Variants in FSTL4 observed in about 807,000 individuals in gnomAD.
The protein encoded by FSTL4 is follistatin like 4, also known as follistatin-related protein 4.
In FSTL4, 28 loss-of-function variants were observed where a neutral mutation model predicts 78.2. That is an observed-to-expected ratio of 0.36 (90% CI 0.27 to 0.49). The LOEUF (loss-of-function observed/expected upper bound fraction) is 0.49. FSTL4 is among the 20% of genes least tolerant of loss of function. The pLI is 0.98. For missense variants in FSTL4, 922 were observed against 1,084.9 expected, an observed-to-expected ratio of 0.85 and a Z score of 2.11; for synonymous variants, 422 against 440.5, an observed-to-expected ratio of 0.96 and a Z score of 0.53.
At chr5:133,841,492 A>C in the FSTL4 span, among the ~76,000 whole-genome samples, 422 of 152,322 alleles carry the variant, frequency 2.8e-3, 2 homozygotes, top group African/African-American at 9.4e-3. Flanking sequence ...TTCTAGAAAT[A>C]ATAAGATGCT....
chr5:133,292,468 GT>G (rs1753288785), intron 6 of FSTL4, among the ~76,000 whole-genome samples: 1 of 151,796 alleles, frequency 6.6e-6, no homozygotes, highest in Non-Finnish European at 1.5e-5. Context: ...TCCAGGAGGG[GT>G]TGAGTCAGCC....
chr5:133,448,739 CG>C (rs1187966204), intron 3 of FSTL4, among the ~76,000 whole-genome samples: 2,701 of 19,380 alleles, frequency 0.14, 139 homozygotes, highest in African/African-American at 0.3. Flanking sequence ...GGTGCGGGGG[CG>C]GGGGGGGGGG....
the FSTL4 span, among the ~76,000 whole-genome samples, chr5:133,754,484 T>C: frequency 2.6e-5 from 4 of 152,250 alleles, no homozygotes; most frequent in Non-Finnish European, 5.9e-5. Flanking sequence ...TTATAATGGA[T>C]AGTTTGATAG....
intron 2 of FSTL4, among the ~76,000 whole-genome samples, chr5:133,592,067 G>A (rs1398293637): frequency 6.6e-6 from 1 of 152,000 alleles, no homozygotes; most frequent in Non-Finnish European, 1.5e-5. Flanking sequence ...CCTAGACTCT[G>A]AGGGTTACTC....
At chr5:133,374,768 T>C (rs1561691181) in intron 4 of FSTL4, among the ~76,000 whole-genome samples, 1 of 152,148 alleles carries the variant, frequency 6.6e-6, no homozygotes, top group African/African-American at 2.4e-5. Flanking sequence ...AGCAAGAAGA[T>C]GGTCATCTGC....
chr5:133,535,046 G>C (rs369790991), intron 3 of FSTL4, among the ~76,000 whole-genome samples: 1 of 152,194 alleles, frequency 6.6e-6, no homozygotes, highest in Non-Finnish European at 1.5e-5. Context: ...AACTGTGGTC[G>C]TAAGGAGGGG....
Position 133,225,773 on chromosome 5 carries a change from A to T in FSTL4, c.1062T>A (p.Pro354=). 6.2e-7 allele frequency: 1 copy of T among 1,609,604 alleles called. No individual in the cohort carries two copies. The highest frequency in any genetic ancestry group is 8.5e-7 in the Non-Finnish European group (1 of 1,177,880). Residue 354 remains proline (P), a synonymous_variant, in exon 9 of 16, where the codon CCT becomes CCA. Coordinates refer to ENST00000265342, the MANE Select transcript of FSTL4 (RefSeq NM_015082.2). The surrounding 1 kb of genome is among the most constrained non-coding windows in gnomAD (Gnocchi z 4.6). ...GGCATCTTAGGCTGGCTGCCACTCC[A>T]GGCTCCTGTGCCTGGCTCTCTGGAT... The part of the protein sequence containing the change: ...RVYPESQAQE[P]GVAASLRCHA...
the FSTL4 span, among the ~76,000 whole-genome samples, chr5:133,767,100 G>A: frequency 2.0e-5 from 3 of 152,184 alleles, no homozygotes; most frequent in Non-Finnish European, 2.9e-5. Flanking sequence ...CTTGAGCAAA[G>A]GTAGTATATT....
the FSTL4 span, among the ~76,000 whole-genome samples, chr5:133,821,876 T>C: frequency 2.0e-5 from 3 of 152,134 alleles, no homozygotes; most frequent in Non-Finnish European, 2.9e-5. Flanking sequence ...AACGTAGCGG[T>C]GCAAGGAGGA....
intron 6 of FSTL4, among the ~76,000 whole-genome samples, chr5:133,277,256 T>C (rs1752904163): frequency 1.3e-5 from 2 of 151,814 alleles, no homozygotes; most frequent in Admixed American, 1.3e-4. Context: ...GAGGCTGCAG[T>C]GAGCCGAGAT....
At chr5:133,816,022 G>A in the FSTL4 span, among the ~76,000 whole-genome samples, 2 of 152,194 alleles carry the variant, frequency 1.3e-5, no homozygotes, top group Non-Finnish European at 2.9e-5. Context: ...AAGACAAGAA[G>A]GATAGAGTTA....
At chr5:133,386,790 C>T (rs1342172999) in intron 4 of FSTL4, among the ~76,000 whole-genome samples, 8 of 152,204 alleles carry the variant, frequency 5.3e-5, no homozygotes, top group South Asian at 2.1e-4. Context: ...TCCTGTGCAA[C>T]GAAGCCCTCA....
At chr5:133,397,123 G>GCTTTCA (rs1756077915) in intron 4 of FSTL4, among the ~76,000 whole-genome samples, 1 of 152,226 alleles carries the variant, frequency 6.6e-6, no homozygotes, top group African/African-American at 2.4e-5. Context: ...TTCGTGAACA[G>GCTTTCA]CGTAGGAGAT....
intron 6 of FSTL4, among the ~76,000 whole-genome samples, chr5:133,292,522 T>C (rs1753289470): frequency 6.7e-6 from 1 of 148,648 alleles, no homozygotes; most frequent in Non-Finnish European, 1.5e-5. Context: ...ATCACAGTGG[T>C]GCCACAGCTA....
chr5:133,759,193 G>A, the FSTL4 span, among the ~76,000 whole-genome samples: 1 of 152,168 alleles, frequency 6.6e-6, no homozygotes, highest in African/African-American at 2.4e-5. Flanking sequence ...ATTCTGAAAA[G>A]ACTAATAAAT....
intron 3 of FSTL4, among the ~76,000 whole-genome samples, chr5:133,561,912 A>G (rs569480131): frequency 3.1e-4 from 47 of 152,312 alleles, no homozygotes; most frequent in African/African-American, 1.1e-3. Context: ...AACTAAGCAC[A>G]ATATAGTTTC....
At chr5:133,301,872 AG>A in intron 6 of FSTL4, among the ~76,000 whole-genome samples, 1 of 152,140 alleles carries the variant, frequency 6.6e-6, no homozygotes. Context: ...GCCATTACCA[AG>A]TACCCCCAAG....
At chr5:133,664,607 AC>A in the FSTL4 span, among the ~76,000 whole-genome samples, 1 of 152,092 alleles carries the variant, frequency 6.6e-6, no homozygotes, top group Non-Finnish European at 1.5e-5. Flanking sequence ...ATATTTTATG[AC>A]CCCACTGTGC....
chr5:133,574,934 G>A (rs1760246893), intron 2 of FSTL4: 1 of 152,138 alleles, frequency 6.6e-6, no homozygotes, highest in Non-Finnish European at 1.5e-5. Context: ...GGGGGACACA[G>A]AATGGTTTGT....
Sources: allele counts gnomAD v4.1 joint callset (sites outside exome capture counted in the v4.1 genomes callset), GRCh38; gene constraint gnomAD v4.1.1; non-coding constraint Gnocchi (gnomAD v3.1); transcripts MANE v1.5; gene names NCBI Gene and HGNC (gene_info 2026-07-23, HGNC 2026-07-21).